Variants in ZCCHC4 observed in about 807,000 individuals in gnomAD.
The protein encoded by ZCCHC4 is zinc finger CCHC-type containing 4.
ZCCHC4 carries 54 observed loss-of-function variants against 67.7 expected under a neutral mutation model. The observed-to-expected ratio is 0.80, with a 90% CI of 0.64 to 1.00. ZCCHC4 has a LOEUF of 1.00. Among genes scored for constraint, ZCCHC4 ranks in the 50% least tolerant of loss-of-function variants. The pLI is 0.00. For missense variants in ZCCHC4, 609 were observed against 617.0 expected (o/e 0.99, Z 0.14); for synonymous variants, 198 against 213.5 (o/e 0.93, Z 0.63).
At chr4:25,344,267 A>G (rs978283204) in intron 5 of ZCCHC4, among the ~76,000 whole-genome samples, 2 of 152,076 alleles carry the variant, frequency 1.3e-5, no homozygotes, top group African/African-American at 2.4e-5. Flanking sequence ...CTGTGTTACC[A>G]TGGAATACTA....
At chr4:25,366,826 C>A (rs1244840537) in intron 12 of ZCCHC4, among the ~76,000 whole-genome samples, 1 of 152,006 alleles carries the variant, frequency 6.6e-6, no homozygotes, top group Non-Finnish European at 1.5e-5. Flanking sequence ...TCCTAAATAG[C>A]CTCAGCTAGT....
At position 25,349,492 on chromosome 4, in the gene ZCCHC4, A is replaced by T. The variant is rs1311612919; in HGVS notation, c.760A>T (p.Thr254Ser). ...MFNHHFFDGK[T>S]ALEVCRAFLQ... ...AGAAATGAATTTTTATTTGTTCCAG[A>T]CTGCCCTTGAAGTATGCAGAGCATT... Residue 254 changes from threonine (T) to serine (S), a missense_variant and splice_region_variant, in exon 7 of 13, where the codon ACT (threonine) becomes TCT (serine). Transcript: ENST00000302874. The T allele has an allele frequency of 1.2e-6, 2 of 1,613,128 alleles. No homozygotes were observed. Among genetic ancestry groups the T allele is most frequent in the Non-Finnish European group, 1.7e-6 (2 of 1,179,630 alleles).
chr4:25,317,596 A>G (rs1327860683), intron 3 of ZCCHC4, among the ~76,000 whole-genome samples: 3 of 149,102 alleles, frequency 2.0e-5, no homozygotes, highest in Non-Finnish European at 4.4e-5. Context: ...CTATAATCCC[A>G]GTTACTTGGG....
chr4:25,314,141 T>C lies in ZCCHC4; in HGVS notation c.223T>C (p.Phe75Leu). The C allele has an allele frequency of 6.2e-7, 1 of 1,600,242 alleles. No individual in the cohort carries two copies. The highest frequency in any genetic ancestry group is 8.5e-7 in the Non-Finnish European group (1 of 1,175,806). ...CTGTAGAGATAGAAAAGACTGTAAT[T>C]TTTTTCAGTGGGAAGATGAAAAGGT... is the stretch of plus-strand genomic sequence containing the variant. ...SACRDRKDCNFFQWEDEKLSG... is the reference protein window; with the variant it reads ...SACRDRKDCNLFQWEDEKLSG... Residue 75 changes from phenylalanine to leucine, a missense_variant, in exon 2 of 13, where the codon TTT becomes CTT. Physicochemically the swap from Phe to Leu is conservative, Grantham distance 22. Transcript: ENST00000302874.
intron 8 of ZCCHC4, among the ~76,000 whole-genome samples, chr4:25,358,981 G>A (rs1720621249): frequency 6.6e-6 from 1 of 152,140 alleles, no homozygotes; most frequent in Non-Finnish European, 1.5e-5. Context: ...TCCTCTGTTT[G>A]GGCTGAAACC....
chr4:25,345,679 T>C (rs2109077736), intron 6 of ZCCHC4, 59 bp downstream of exon 6: 1 of 1,128,768 alleles, frequency 8.9e-7, no homozygotes, highest in Non-Finnish European at 1.3e-6. Context: ...GATTTCAGAG[T>C]GCCTCCTTTG....
Position 25,364,459 on chromosome 4 carries a change from C to G in ZCCHC4, c.1215C>G (p.Gly405=). The G allele has an allele frequency of 6.7e-7, 1 of 1,492,462 alleles. No homozygotes were observed. The highest frequency in any genetic ancestry group is 2.2e-5 in the Admixed American group (1 of 44,618). 92.5% of individuals were successfully genotyped at this position (1,492,462 alleles called of 1,614,324 possible). ...ATTGTTTTTTTTTTTGGTAGGATGG[C>G]AGGAAATGGAACCATTGCTTTCTCT... ...ELCNSCTSKD[G]RKWNHCFLCK... The change falls in exon 11 of 13, where the codon GGC becomes GGG. Residue 405 remains glycine (G), a synonymous_variant. Transcript: ENST00000302874.
At chr4:25,351,446 C>G in intron 7 of ZCCHC4, 143 bp from the exon 8 acceptor site, 1 of 602,932 alleles carries the variant, frequency 1.7e-6, no homozygotes, top group Non-Finnish European at 2.9e-6. Context: ...TGAAATGGCA[C>G]TCTGGTAAAT....
chr4:25,350,198 G>T (rs1206304824), intron 7 of ZCCHC4, among the ~76,000 whole-genome samples: 2 of 150,816 alleles, frequency 1.3e-5, no homozygotes, highest in African/African-American at 2.5e-5. Flanking sequence ...GTGGCTGGGG[G>T]TTATTATTCA....
rs316772 is a variant in ZCCHC4, at chr4:25,322,483, C to T, written c.329+7083C>T. Among the ~76,000 whole-genome samples the T allele has an allele frequency of 3.2e-3, 487 of 152,122 alleles. 1 individual carries two copies. Among genetic ancestry groups the T allele is most frequent in the African/African-American group, 0.011 (477 of 41,500 alleles). On this transcript the variant is annotated intron_variant, in intron 3 of 12. Transcript: ENST00000302874. ...TAACCTTTTTTTAATTAATAAAAGA[C>T]TTCTGTTTAAAAACCACTGAATTGT...
intron 5 of ZCCHC4, among the ~76,000 whole-genome samples, chr4:25,340,766 T>C (rs1719716135): frequency 6.6e-6 from 1 of 152,198 alleles, no homozygotes. Context: ...ATTTAAATGG[T>C]TTTCTGAATT....
rs144778517 is a variant in ZCCHC4 at position 25,354,841 on chromosome 4, C to G, written c.1011+3152C>G. On this transcript the variant is annotated intron_variant, in intron 8 of 12. Transcript: ENST00000302874. ...CTTTTTTTTCTTGTATATTAGCCTT[C>G]ATTGAATGAAAACTTTGAGTCCCCT... 1.2e-3 allele frequency among the ~76,000 whole-genome samples: 173 copies of G among 147,192 alleles called. 2 individuals are homozygous for G. The highest frequency in any genetic ancestry group is 4.3e-3 in the African/African-American group (173 of 40,360).
At chr4:25,324,014 G>GTTTTTTTTTTGTTTTTTTTTTTTTTT (rs1718724938) in intron 3 of ZCCHC4, among the ~76,000 whole-genome samples, 1 of 82,442 alleles carries the variant, frequency 1.2e-5, no homozygotes, top group Non-Finnish European at 2.1e-5. Context: ...TGTTTTTTGT[G>GTTTTTTTTTTGTTTTTTTTTTTTTTT]TTTTTTTTTT....
intron 12 of ZCCHC4, chr4:25,366,185 C>T (rs897619460): frequency 3.4e-5 from 33 of 980,916 alleles, no homozygotes; most frequent in Non-Finnish European, 3.8e-5. Flanking sequence ...GGTCTAGCCA[C>T]TTGAATTCTG....
At position 25,345,508 on chromosome 4, in the gene ZCCHC4, T is replaced by C. The variant is rs757501494; in HGVS notation, c.687-40T>C. 6 of 1,087,150 alleles carry C rather than the reference T, an allele frequency of 5.5e-6. No individual in the cohort carries two copies. In the East Asian group the frequency reaches 1.4e-4, roughly 26 times the overall value. The allele number at this position is 1,087,150 out of a possible 1,614,324, so 67.3% of individuals were successfully genotyped here. A position where few individuals can be genotyped will look rare whatever the true frequency, so the allele number is the denominator to read the frequency against. On this transcript the variant is annotated intron_variant, in intron 5 of 12. Coordinates refer to ENST00000302874, the MANE Select transcript of ZCCHC4 (RefSeq NM_024936.3). ...ATTTAGTTTATATTTGTCTACTCTATAGCTGTGACTGGGCAAATAACTCTG... is the reference window on the plus strand; with the variant it reads ...ATTTAGTTTATATTTGTCTACTCTACAGCTGTGACTGGGCAAATAACTCTG...
In ZCCHC4 at chr4:25,370,158, A is replaced by G. The variant is rs2109099693; in HGVS notation, c.*994A>G. 6.6e-6 allele frequency: 1 copy of G among 152,302 alleles called. No homozygotes were observed. Among genetic ancestry groups the G allele is most frequent in the African/African-American group, 2.4e-5 (1 of 41,566 alleles). The allele number at this position is 152,302 out of a possible 1,614,324, so 9.4% of individuals were successfully genotyped here. A position where few individuals can be genotyped will look rare whatever the true frequency, so the allele number is the denominator to read the frequency against. ...TCCAGTGTCGTTTAACCTATGCAGT[A>G]AGATTCTGTCTTTGTAAAAGTAGTT... On this transcript the variant is annotated 3_prime_UTR_variant, in exon 13 of 13. Transcript: ENST00000302874.
chr4:25,331,039 C>T (rs1471583285), intron 3 of ZCCHC4, among the ~76,000 whole-genome samples: 1 of 152,110 alleles, frequency 6.6e-6, no homozygotes, highest in African/African-American at 2.4e-5. Context: ...CGCCTAGCCT[C>T]CTGGAGTGCT....
At chr4:25,354,818 T>C (rs1050955145) in intron 8 of ZCCHC4, among the ~76,000 whole-genome samples, 1 of 151,870 alleles carries the variant, frequency 6.6e-6, no homozygotes, top group African/African-American at 2.4e-5. Context: ...TTGTGGTACT[T>C]TTTTTTCTTG....
At chr4:25,326,736 TG>T (rs1718902310) in intron 3 of ZCCHC4, among the ~76,000 whole-genome samples, 2 of 152,210 alleles carry the variant, frequency 1.3e-5, no homozygotes, top group Admixed American at 1.3e-4. Flanking sequence ...AAAATCCTGC[TG>T]GGATTTTGAT....
Sources: allele counts gnomAD v4.1 joint callset (sites outside exome capture counted in the v4.1 genomes callset), GRCh38; gene constraint gnomAD v4.1.1; transcripts MANE v1.5; gene names NCBI Gene and HGNC (gene_info 2026-07-23, HGNC 2026-07-21).